AMPH: variants seen among roughly 807,000 people sequenced by gnomAD.
The protein encoded by AMPH is amphiphysin, also known as amphiphysin (Stiff-Mann syndrome with breast cancer 128kD autoantigen).
A neutral mutation model predicts 99.1 loss-of-function variants in AMPH; 49 were observed. The observed-to-expected ratio is 0.49, with a 90% confidence interval of 0.39 to 0.63. The LOEUF (loss-of-function observed/expected upper bound fraction) is 0.63. Ranked by LOEUF, AMPH falls within the 20% of genes least tolerant of loss-of-function variation. The pLI is 0.00. For synonymous variants in AMPH, 314 were observed against 317.3 expected (o/e 0.99, Z 0.11); for missense variants, 759 against 863.4 (o/e 0.88, Z 1.52).
intron 2 of AMPH, among the ~76,000 whole-genome samples, chr7:38,533,110 G>A (rs2129039823): frequency 6.6e-6 from 1 of 152,294 alleles, no homozygotes. Context: ...CCAAGACAAT[G>A]ATCTATTTGA....
intron 2 of AMPH, among the ~76,000 whole-genome samples, chr7:38,508,473 GA>G (rs1789416786): frequency 6.6e-6 from 1 of 152,130 alleles, no homozygotes; most frequent in South Asian, 2.1e-4. Context: ...ACAAGAGGAA[GA>G]AAATATCACA....
At chr7:38,520,880 A>G (rs1185832317) in intron 2 of AMPH, among the ~76,000 whole-genome samples, 1 of 152,190 alleles carries the variant, frequency 6.6e-6, no homozygotes. Context: ...TATTCACTGC[A>G]CCAACTTCCT....
intron 1 of AMPH, among the ~76,000 whole-genome samples, chr7:38,629,160 A>G (rs1794366424): frequency 6.6e-6 from 1 of 152,178 alleles, no homozygotes; most frequent in Non-Finnish European, 1.5e-5. Flanking sequence ...ACAGTAACAT[A>G]CTGTGCTTTC....
rs116562051 is a variant in AMPH, at chr7:38,547,256, A to G, written c.70-12245T>C. On this transcript the variant is annotated intron_variant, in intron 1 of 20. Coordinates refer to ENST00000356264, the MANE Select transcript of AMPH (RefSeq NM_001635.4). Reference sequence around the variant, plus strand: ...CCCTCCCCACAGAGAATCTAGAAATAGAATTTGGGTCTCAAAATTCTTAGC... The same window carrying G: ...CCCTCCCCACAGAGAATCTAGAAATGGAATTTGGGTCTCAAAATTCTTAGC... Among the ~76,000 whole-genome samples, 275 of 152,314 alleles carry G rather than the reference A, an allele frequency of 1.8e-3. 1 individual carries two copies. The highest frequency in any genetic ancestry group is 6.2e-3 in the African/African-American group (257 of 41,570).
At chr7:38,429,325 C>G (rs1785909952) in intron 14 of AMPH, 1 of 1,288,764 alleles carries the variant, frequency 7.8e-7, no homozygotes, top group Non-Finnish European at 1.0e-6. Context: ...TCTTCAGCTA[C>G]AGTGGGCCAG....
At chr7:38,429,746 A>G in intron 14 of AMPH, 96 bp downstream of exon 14, 1 of 1,413,940 alleles carries the variant, frequency 7.1e-7, no homozygotes, top group Non-Finnish European at 9.8e-7. Flanking sequence ...ATGACTAGCA[A>G]TGCCATGGGG....
rs138101868 is a variant in AMPH, at chr7:38,612,746, A to T, written c.69+18537T>A. Among the ~76,000 whole-genome samples the T allele has an allele frequency of 2.8e-3, 429 of 152,278 alleles. 2 individuals are homozygous for T. Among genetic ancestry groups the T allele is most frequent in the African/African-American group, 9.7e-3 (405 of 41,562 alleles). ...GTCTGTCCCCATCTGCAGTTCTGGG[A>T]CACCTCTTTAGAACACTTGGGTGTG... On this transcript the variant is annotated intron_variant, in intron 1 of 20. Coordinates refer to ENST00000356264, the MANE Select transcript of AMPH (RefSeq NM_001635.4).
At chr7:38,405,265 C>G (rs1228323773) in intron 17 of AMPH, among the ~76,000 whole-genome samples, 1 of 152,154 alleles carries the variant, frequency 6.6e-6, no homozygotes, top group Admixed American at 6.5e-5. Context: ...CACATAAGTA[C>G]AAAGTTCACA....
chr7:38,499,380 A>G (rs1789048483), intron 3 of AMPH, among the ~76,000 whole-genome samples: 2 of 152,216 alleles, frequency 1.3e-5, no homozygotes, highest in Non-Finnish European at 2.9e-5. Context: ...ATAAAGACCC[A>G]TAGAGGGGAA....
rs934098168 is a variant in AMPH at position 38,417,020 on chromosome 7, C to T, written c.1398+805G>A. Among the ~76,000 whole-genome samples, 13 of 152,186 alleles carry T rather than the reference C, an allele frequency of 8.5e-5. No homozygotes were observed. The South Asian group carries it at 1.7e-3, about 19-fold the overall frequency. On this transcript the variant is annotated intron_variant, in intron 17 of 20. Coordinates refer to ENST00000356264, the MANE Select transcript of AMPH (RefSeq NM_001635.4). ...TTTGGTAATAGAGAAATTGTTTTTC[C>T]TATTTGTACAGTCTATGAAGGGTAA... is the stretch of plus-strand genomic sequence containing the variant.
chr7:38,585,234 G>T (rs1157734383), intron 1 of AMPH, among the ~76,000 whole-genome samples: 1 of 152,132 alleles, frequency 6.6e-6, no homozygotes, highest in East Asian at 1.9e-4. Flanking sequence ...AATCTACAAG[G>T]CCATGTGTTT....
chr7:38,562,164 G>A (rs1435948445), intron 1 of AMPH, among the ~76,000 whole-genome samples: 1 of 151,834 alleles, frequency 6.6e-6, no homozygotes, highest in Admixed American at 6.6e-5. Flanking sequence ...AGTCAGCAAG[G>A]TAAGCACAGA....
rs142173602 is a variant in AMPH, at chr7:38,462,712, G to A, written c.888+263C>T. ...AGTTTTGTAGCAAGAGATAGGAGAA[G>A]AGAGAGCATGCTCGCCTGAGCATGC... is the stretch of plus-strand genomic sequence containing the variant. On this transcript the variant is annotated intron_variant, in intron 10 of 20. Coordinates refer to ENST00000356264, the MANE Select transcript of AMPH (RefSeq NM_001635.4). 2.4e-3 allele frequency among the ~76,000 whole-genome samples: 367 copies of A among 152,328 alleles called. 2 individuals are homozygous for A. The highest frequency in any genetic ancestry group is 8.5e-3 in the African/African-American group (352 of 41,586).
chr7:38,549,487 G>A lies in AMPH; in HGVS notation c.70-14476C>T, dbSNP rs548507080. Among the ~76,000 whole-genome samples the A allele has an allele frequency of 2.6e-5, 4 of 152,340 alleles. No individual in the cohort carries two copies. In the East Asian group the frequency reaches 7.7e-4, roughly 29 times the overall value. ...ACATCCCACTCCAAAGCTCTTCAGAGACAAGAAGCCCAACCTTCAGAATAC... is the reference window on the plus strand; with the variant it reads ...ACATCCCACTCCAAAGCTCTTCAGAAACAAGAAGCCCAACCTTCAGAATAC... On this transcript the variant is annotated intron_variant, in intron 1 of 20. Coordinates refer to ENST00000356264, the MANE Select transcript of AMPH (RefSeq NM_001635.4).
chr7:38,567,474 CATATAT>C (rs1392914906), intron 1 of AMPH, among the ~76,000 whole-genome samples: 2 of 152,238 alleles, frequency 1.3e-5, no homozygotes, highest in East Asian at 3.9e-4. Context: ...CAACGTGGCA[CATATAT>C]ACCTATGTAA....
chr7:38,577,362 G>T (rs1010025990), intron 1 of AMPH, among the ~76,000 whole-genome samples: 10 of 152,154 alleles, frequency 6.6e-5, no homozygotes, highest in African/African-American at 2.4e-4. Context: ...TCTCATACGA[G>T]TCTTCGCTTC....
intron 11 of AMPH, among the ~76,000 whole-genome samples, chr7:38,460,877 T>C (rs749578704): frequency 5.9e-5 from 9 of 152,186 alleles, no homozygotes; most frequent in Non-Finnish European, 8.8e-5. Flanking sequence ...TACCAATGCA[T>C]AGAAATGATA....
intron 10 of AMPH, among the ~76,000 whole-genome samples, chr7:38,461,660 G>A (rs1400071576): frequency 2.0e-5 from 3 of 152,122 alleles, no homozygotes; most frequent in African/African-American, 4.8e-5. Context: ...CTCAACTCAA[G>A]TACAATACAC....
intron 1 of AMPH, among the ~76,000 whole-genome samples, chr7:38,573,311 C>T (rs2129053100): frequency 6.6e-6 from 1 of 152,044 alleles, no homozygotes; most frequent in Non-Finnish European, 1.5e-5. Flanking sequence ...TATTTTGTAC[C>T]TTTTGTATTA....
Sources: allele counts gnomAD v4.1 joint callset (sites outside exome capture counted in the v4.1 genomes callset), GRCh38; gene constraint gnomAD v4.1.1; transcripts MANE v1.5; gene names NCBI Gene and HGNC (gene_info 2026-07-23, HGNC 2026-07-21).